PLSCR4: variants seen among roughly 807,000 people sequenced by gnomAD.
PLSCR4 encodes Ca(2+)-dependent phospholipid scramblase 4.
PLSCR4 carries 25 observed loss-of-function variants against 36.3 expected under a neutral mutation model. That is an observed-to-expected ratio of 0.69 (90% CI 0.50 to 0.96). The LOEUF (loss-of-function observed/expected upper bound fraction) is 0.96, where lower values mean the gene tolerates loss of function less well. Ranked by LOEUF, PLSCR4 falls within the 40% of genes least tolerant of loss-of-function variation. The probability of loss-of-function intolerance (pLI) is 0.00; values close to 1 mark genes in which losing one functional copy is unlikely to be tolerated. For missense variants in PLSCR4, 408 were observed against 414.7 expected (o/e 0.98, Z 0.14); for synonymous variants, 122 against 132.9 (o/e 0.92, Z 0.56).
At chr3:146,216,849 C>G (rs375257462) in intron 3 of PLSCR4, among the ~76,000 whole-genome samples, 3 of 152,128 alleles carry the variant, frequency 2.0e-5, no homozygotes, top group Non-Finnish European at 4.4e-5. Flanking sequence ...CATGGGACAT[C>G]ATGGGACAAT....
intron 4 of PLSCR4, among the ~76,000 whole-genome samples, chr3:146,202,342 A>G (rs2034092287): frequency 6.6e-6 from 1 of 152,120 alleles, no homozygotes; most frequent in African/African-American, 2.4e-5. Flanking sequence ...AAAGTGAGTG[A>G]CATGAATGTT....
chr3:146,222,326 G>A (rs578115388), intron 1 of PLSCR4: 1 of 260,726 alleles, frequency 3.8e-6, no homozygotes, highest in East Asian at 7.0e-5. Context: ...CTGTGCTGCA[G>A]TTTATATTGT....
chr3:146,232,813 T>C (rs1161637212), intron 1 of PLSCR4, among the ~76,000 whole-genome samples: 1 of 152,146 alleles, frequency 6.6e-6, no homozygotes, highest in Admixed American at 6.5e-5. Flanking sequence ...CTCTTCCAAT[T>C]TGGAGTACAT....
At chr3:146,199,673 G>T in intron 6 of PLSCR4, 140 bp downstream of exon 6, 1 of 677,310 alleles carries the variant, frequency 1.5e-6, no homozygotes. Flanking sequence ...GAGACAATTT[G>T]GTTTCCTCCC....
At chr3:146,233,523 A>G (rs918443265) in intron 1 of PLSCR4, among the ~76,000 whole-genome samples, 2 of 152,138 alleles carry the variant, frequency 1.3e-5, no homozygotes, top group Non-Finnish European at 2.9e-5. Context: ...GCTGGCTATA[A>G]AGATGTTAAG....
intron 1 of PLSCR4, among the ~76,000 whole-genome samples, chr3:146,224,077 A>G (rs1339747313): frequency 6.6e-6 from 1 of 151,830 alleles, no homozygotes; most frequent in East Asian, 1.9e-4. Context: ...CCCTGTTGTT[A>G]AGGAAAATGA....
At chr3:146,208,478 G>A (rs2034453059) in intron 3 of PLSCR4, among the ~76,000 whole-genome samples, 1 of 151,942 alleles carries the variant, frequency 6.6e-6, no homozygotes, top group Non-Finnish European at 1.5e-5. Context: ...ACAACAGTCA[G>A]CAGAGTAAAC....
chr3:146,223,970 T>A (rs907226289), intron 1 of PLSCR4, among the ~76,000 whole-genome samples: 16 of 148,604 alleles, frequency 1.1e-4, no homozygotes, highest in African/African-American at 3.7e-4. Context: ...ATTTATTTAT[T>A]TATTTATTTA....
intron 3 of PLSCR4, among the ~76,000 whole-genome samples, chr3:146,212,029 C>T (rs1488819579): frequency 6.6e-6 from 1 of 151,866 alleles, no homozygotes; most frequent in East Asian, 1.9e-4. Flanking sequence ...TATTCTGAAT[C>T]CTTTACATTT....
chr3:146,238,587 C>G (rs77542687), intron 1 of PLSCR4, among the ~76,000 whole-genome samples: 2,556 of 152,110 alleles, frequency 0.017, 75 homozygotes, highest in African/African-American at 0.058. Context: ...AAAGAATCCA[C>G]TACTCTTTAT....
In PLSCR4 at chr3:146,195,167, T is replaced by A. The variant is rs2033656374; in HGVS notation, c.902A>T (p.Asp301Val). Residue 301 changes from aspartate to valine, a missense_variant, in exon 8 of 9, where the codon GAT becomes GTT. Asp to Val is a radical substitution (Grantham distance 152). Coordinates refer to ENST00000354952, the MANE Select transcript of PLSCR4 (RefSeq NM_020353.3). ...HFDIHFPLDL[D>V]VKMKAMIFGA... is the part of the protein sequence containing the mutation. ...AAAAATCATGGCTTTCATCTTCACA[T>A]CCAGGTCTAGTGGGAAGTGAATGTC... 1 of 1,613,790 alleles carries A rather than the reference T, an allele frequency of 6.2e-7. No individual in the cohort carries two copies. Among genetic ancestry groups the A allele is most frequent in the African/African-American group, 1.3e-5 (1 of 74,896 alleles).
chr3:146,242,258 T>C (rs2036180745), intron 1 of PLSCR4, among the ~76,000 whole-genome samples: 1 of 152,172 alleles, frequency 6.6e-6, no homozygotes, highest in African/African-American at 2.4e-5. Flanking sequence ...ATGAATCGTT[T>C]TTCGCTCAGA....
intron 4 of PLSCR4, among the ~76,000 whole-genome samples, chr3:146,202,389 ATAATG>A (rs1302742853): frequency 6.6e-6 from 1 of 152,118 alleles, no homozygotes; most frequent in Non-Finnish European, 1.5e-5. Context: ...TGTTTACACT[ATAATG>A]TAGTCTACAG....
chr3:146,243,538 T>C (rs904136284), intron 1 of PLSCR4, among the ~76,000 whole-genome samples: 2 of 152,126 alleles, frequency 1.3e-5, no homozygotes, highest in Non-Finnish European at 2.9e-5. Flanking sequence ...AAATCTGAAA[T>C]GCTCAAAAAT....
rs1376410546 is a variant in PLSCR4, at chr3:146,194,470, A to C, written c.946-15T>G. The stretch of plus-strand genomic sequence containing the variant: ...TACATGAAGTCCTGAAATTGGAAAA[A>C]GAATTATATGTAGATATATAGATAA... On this transcript the variant is annotated splice_polypyrimidine_tract_variant and intron_variant, in intron 8 of 8. Coordinates refer to ENST00000354952, the MANE Select transcript of PLSCR4 (RefSeq NM_020353.3). 2 of 1,518,754 alleles carry C rather than the reference A, an allele frequency of 1.3e-6. No individual in the cohort carries two copies. 94.1% of individuals were successfully genotyped at this position (1,518,754 alleles called of 1,614,324 possible).
rs192919402 is a variant in PLSCR4, at chr3:146,247,819, G to A, written c.-22+3141C>T. On this transcript the variant is annotated intron_variant, in intron 1 of 8. Coordinates refer to ENST00000354952, the MANE Select transcript of PLSCR4 (RefSeq NM_020353.3). Reference sequence around the variant, plus strand: ...TAAATTTTTTTAGAGGTGGGGTATCGCCATGTTTCCCAGGCTGCTCTCAAA... The same window carrying A: ...TAAATTTTTTTAGAGGTGGGGTATCACCATGTTTCCCAGGCTGCTCTCAAA... Among the ~76,000 whole-genome samples, 999 of 152,100 alleles carry A rather than the reference G, an allele frequency of 6.6e-3. 13 individuals carry two copies. Among genetic ancestry groups the A allele is most frequent in the South Asian group, 0.027 (131 of 4,814 alleles).
intron 1 of PLSCR4, among the ~76,000 whole-genome samples, chr3:146,240,030 T>G (rs77825418): frequency 0.017 from 2,562 of 152,026 alleles, 77 homozygotes; most frequent in African/African-American, 0.058. Flanking sequence ...AATAAATAAA[T>G]AAATAAATTG....
intron 1 of PLSCR4, among the ~76,000 whole-genome samples, chr3:146,244,470 C>T (rs750750892): frequency 6.6e-6 from 1 of 152,086 alleles, no homozygotes; most frequent in Non-Finnish European, 1.5e-5. Context: ...ACAGCAACTT[C>T]TCAGTTTGTC....
chr3:146,233,315 ATTT>A (rs906159829), intron 1 of PLSCR4, among the ~76,000 whole-genome samples: 4 of 152,122 alleles, frequency 2.6e-5, no homozygotes, highest in African/African-American at 9.6e-5. Flanking sequence ...ATGTTAAATT[ATTT>A]TTAACATATC....
Sources: allele counts gnomAD v4.1 joint callset (sites outside exome capture counted in the v4.1 genomes callset), GRCh38; gene constraint gnomAD v4.1.1; transcripts MANE v1.5; gene names NCBI Gene and HGNC (gene_info 2026-07-23, HGNC 2026-07-21).